The following RSRC1 variants were observed in gnomAD, a reference collection of about 807,000 sequenced individuals.
RSRC1 encodes serine/Arginine-related protein 53.
A neutral mutation model predicts 49.1 loss-of-function variants in RSRC1; 39 were observed. The observed-to-expected ratio is 0.79, with a 90% CI of 0.61 to 1.04. RSRC1 has a LOEUF of 1.04. RSRC1 is among the 50% of genes least tolerant of loss of function. The pLI is 0.00. For synonymous variants in RSRC1, 143 were observed against 130.8 expected, an observed-to-expected ratio of 1.09 and a Z score of -0.63; for missense variants, 388 against 402.4, an observed-to-expected ratio of 0.96 and a Z score of 0.31.
intron 7 of RSRC1, among the ~76,000 whole-genome samples, chr3:158,523,393 T>C (rs142066777): frequency 6.6e-6 from 1 of 152,168 alleles, no homozygotes; most frequent in East Asian, 1.9e-4. Context: ...AGACTTACTG[T>C]ATAAAATTAC....
intron 6 of RSRC1, among the ~76,000 whole-genome samples, chr3:158,451,732 A>G (rs114872345): frequency 2.0e-5 from 3 of 152,198 alleles, no homozygotes; most frequent in Non-Finnish European, 4.4e-5. Flanking sequence ...TTTTAGAGAC[A>G]TGGGAATTAT....
At chr3:158,525,028 G>A (rs1364261736) in intron 7 of RSRC1, among the ~76,000 whole-genome samples, 1 of 151,844 alleles carries the variant, frequency 6.6e-6, no homozygotes, top group Non-Finnish European at 1.5e-5. Flanking sequence ...AGATTTTTTG[G>A]ATAAGACACA....
intron 3 of RSRC1, among the ~76,000 whole-genome samples, chr3:158,140,158 G>A (rs1053533841): frequency 6.6e-5 from 10 of 152,090 alleles, no homozygotes; most frequent in African/African-American, 2.4e-4. Context: ...TCTGTTATTT[G>A]TGAAATAATT....
intron 7 of RSRC1, among the ~76,000 whole-genome samples, chr3:158,530,214 T>C (rs1359783469): frequency 2.6e-5 from 4 of 151,986 alleles, no homozygotes; most frequent in Admixed American, 2.6e-4. Context: ...TTAGTACTGT[T>C]ACTAAATTAG....
chr3:158,502,990 G>A (rs1464261292), intron 7 of RSRC1, among the ~76,000 whole-genome samples: 1 of 151,774 alleles, frequency 6.6e-6, no homozygotes, highest in Non-Finnish European at 1.5e-5. Flanking sequence ...CTTCTCATTT[G>A]GTTAGAGAGG....
At chr3:158,230,175 G>A (rs1396814115) in intron 4 of RSRC1, among the ~76,000 whole-genome samples, 3 of 151,878 alleles carry the variant, frequency 2.0e-5, no homozygotes, top group Admixed American at 1.3e-4. Flanking sequence ...GCCTCAATTT[G>A]GGTTTGTCTA....
rs765302178 is a variant in RSRC1, at chr3:158,544,301, T to C, written c.*26T>C. 6 of 1,405,130 alleles carry C rather than the reference T, an allele frequency of 4.3e-6. No homozygotes were observed. The highest frequency in any genetic ancestry group is 2.3e-5 in the East Asian group (1 of 42,766). 87.0% of individuals were successfully genotyped at this position (1,405,130 alleles called of 1,614,324 possible). A position where few individuals can be genotyped will look rare whatever the true frequency, so the allele number is the denominator to read the frequency against. ...GTAATATACATATAGTTGGATTGGATTGTCAGCAGTAACATTGGAAATTTA... is the reference window on the plus strand; with the variant it reads ...GTAATATACATATAGTTGGATTGGACTGTCAGCAGTAACATTGGAAATTTA... On this transcript the variant is annotated 3_prime_UTR_variant, in exon 10 of 10. Coordinates refer to ENST00000611884, the MANE Select transcript of RSRC1 (RefSeq NM_001271838.2).
At chr3:158,414,987 T>G (rs977843559) in intron 6 of RSRC1, among the ~76,000 whole-genome samples, 3 of 152,134 alleles carry the variant, frequency 2.0e-5, no homozygotes, top group Non-Finnish European at 2.9e-5. Context: ...GAGAATTTGT[T>G]CAGGTTTAAC....
chr3:158,443,577 G>C (rs983140833), intron 6 of RSRC1, among the ~76,000 whole-genome samples: 4 of 152,162 alleles, frequency 2.6e-5, no homozygotes, highest in African/African-American at 9.7e-5. Flanking sequence ...GGTATGGCTG[G>C]TTTAATTTTC....
At chr3:158,173,276 C>T (rs1430321504) in intron 3 of RSRC1, among the ~76,000 whole-genome samples, 2 of 151,872 alleles carry the variant, frequency 1.3e-5, no homozygotes, top group Non-Finnish European at 2.9e-5. Context: ...ACCATTTGCT[C>T]ATAACTCAAT....
intron 3 of RSRC1, among the ~76,000 whole-genome samples, chr3:158,129,952 A>G (rs1056296422): frequency 6.6e-6 from 1 of 152,216 alleles, no homozygotes; most frequent in East Asian, 1.9e-4. Flanking sequence ...TCTCCAAACA[A>G]TGTTATGTAG....
chr3:158,114,495 C>A (rs1714655527), intron 1 of RSRC1, among the ~76,000 whole-genome samples: 2 of 152,030 alleles, frequency 1.3e-5, no homozygotes, highest in South Asian at 4.1e-4. Flanking sequence ...TTTTTGGTTC[C>A]ATATGAATTT....
At chr3:158,458,488 G>C (rs1737457609) in intron 6 of RSRC1, among the ~76,000 whole-genome samples, 1 of 152,218 alleles carries the variant, frequency 6.6e-6, no homozygotes. Context: ...AACAACAGAG[G>C]AAGTAGGATG....
intron 6 of RSRC1, among the ~76,000 whole-genome samples, chr3:158,394,086 T>A (rs955472372): frequency 3.3e-5 from 5 of 151,974 alleles, no homozygotes; most frequent in African/African-American, 1.2e-4. Flanking sequence ...CAGAAAAGGC[T>A]TTTGATAAAT....
chr3:158,450,031 T>G (rs565083665), intron 6 of RSRC1, among the ~76,000 whole-genome samples: 12 of 152,126 alleles, frequency 7.9e-5, no homozygotes, highest in Middle Eastern at 3.4e-3. Flanking sequence ...CTGACCATAT[T>G]CCTTTCCTTA....
intron 5 of RSRC1, among the ~76,000 whole-genome samples, chr3:158,320,611 G>C (rs921534569): frequency 3.3e-5 from 5 of 151,966 alleles, no homozygotes; most frequent in African/African-American, 1.2e-4. Context: ...TTCCCAACCT[G>C]GCTGATCATC....
chr3:158,306,793 TATC>T (rs1409859999), intron 5 of RSRC1, among the ~76,000 whole-genome samples: 1 of 151,950 alleles, frequency 6.6e-6, no homozygotes, highest in East Asian at 1.9e-4. Context: ...GTAGTGACTA[TATC>T]ATATCATCGT....
intron 4 of RSRC1, among the ~76,000 whole-genome samples, chr3:158,226,172 T>C (rs144110444): frequency 1.1e-3 from 161 of 152,010 alleles, no homozygotes; most frequent in African/African-American, 3.6e-3. Flanking sequence ...TGAAAAAAAC[T>C]CTTAGAAATT....
At chr3:158,298,468 C>A (rs1578305635) in intron 5 of RSRC1, among the ~76,000 whole-genome samples, 3 of 152,146 alleles carry the variant, frequency 2.0e-5, no homozygotes, top group Non-Finnish European at 2.9e-5. Flanking sequence ...AATTTAGCAG[C>A]TTTGAAAGAA....
Sources: allele counts gnomAD v4.1 joint callset (sites outside exome capture counted in the v4.1 genomes callset), GRCh38; gene constraint gnomAD v4.1.1; transcripts MANE v1.5; gene names NCBI Gene and HGNC (gene_info 2026-07-23, HGNC 2026-07-21).